Variants in C15orf40 observed in about 807,000 individuals in gnomAD.
C15orf40 encodes the protein chromosome 15 open reading frame 40.
A neutral mutation model predicts 13.9 loss-of-function variants in C15orf40; 9 were observed. The observed-to-expected ratio is 0.65, with a 90% confidence interval of 0.39 to 1.13. C15orf40 has a LOEUF of 1.13. Ranked by LOEUF, C15orf40 falls within the 50% of genes most tolerant of loss-of-function variation. C15orf40 has a pLI of 0.01. For synonymous variants in C15orf40, 95 were observed against 69.2 expected, an observed-to-expected ratio of 1.37 and a Z score of -1.85; for missense variants, 225 against 188.5, an observed-to-expected ratio of 1.19 and a Z score of -1.13.
At chr15:83,008,232 G>T in intron 3 of C15orf40, 1 of 231,622 alleles carries the variant, frequency 4.3e-6, no homozygotes, top group Non-Finnish European at 8.6e-6. Flanking sequence ...TAAAAAGAGA[G>T]AGACCTCCGG....
chr15:83,010,530 T>C, intron 1 of C15orf40, 167 bp from the exon 2 acceptor site: 1 of 699,070 alleles, frequency 1.4e-6, no homozygotes, highest in Non-Finnish European at 2.3e-6. Flanking sequence ...TTCAAGGCTC[T>C]ACTCAATTTT....
rs748311916 is a variant in C15orf40 at position 83,010,362 on chromosome 15, C to T, written c.113G>A (p.Gly38Asp). Residue 38 changes from glycine (G) to aspartate (D), a missense_variant and splice_region_variant, in exon 2 of 4, where the codon GGT becomes GAT. Coordinates refer to ENST00000304177, the MANE Select transcript of C15orf40 (RefSeq NM_144597.3). ...CTCTGGTTCCTTGCTCTGGCTTTTA[C>T]CCTAAAATGACAACCACACAACTTT... Reference protein sequence around the residue: ...MPKKAGATTKGKSQSKEPERP... With the variant: ...MPKKAGATTKDKSQSKEPERP... 6.2e-7 allele frequency: 1 copy of T among 1,614,016 alleles called. No homozygotes were observed. Among genetic ancestry groups the T allele is most frequent in the Non-Finnish European group, 8.5e-7 (1 of 1,180,016 alleles).
intron 3 of C15orf40, 85 bp from the exon 4 acceptor site, chr15:83,005,777 C>G: frequency 2.0e-6 from 3 of 1,479,586 alleles, no homozygotes; most frequent in South Asian, 2.7e-5. Context: ...GTATAATGGG[C>G]TCTCCTGATG....
downstream of C15orf40, chr15:82,989,295 C>T (rs1190645140): frequency 2.8e-6 from 3 of 1,069,868 alleles, no homozygotes; most frequent in African/African-American, 4.8e-5. Context: ...TTTGGTATGG[C>T]ATACCTAGTA....
rs112485816 is a variant in C15orf40 at position 83,002,867 on chromosome 15, G to C, written c.*2730C>G. 6.6e-6 allele frequency: 1 copy of C among 152,200 alleles called. No homozygotes were observed. The highest frequency in any genetic ancestry group is 1.5e-5 in the Non-Finnish European group (1 of 68,058). 9.4% of individuals were successfully genotyped at this position (152,200 alleles called of 1,614,324 possible). ...GCTGGAGCGCAGTTCGCAGTTGTGC[G>C]ATCTTGGCTCACTGCAACCTCTGCC... On this transcript the variant is annotated 3_prime_UTR_variant, in exon 4 of 4. Transcript: ENST00000304177.
rs1410987359 is a variant in C15orf40 at position 82,995,404 on chromosome 15, G to A, written c.*10193C>T. 1 of 152,270 alleles carries A rather than the reference G, an allele frequency of 6.6e-6. No homozygotes were observed. The highest frequency in any genetic ancestry group is 2.4e-5 in the African/African-American group (1 of 41,462). 9.4% of individuals were successfully genotyped at this position (152,270 alleles called of 1,614,324 possible). ...TCAGTGCTGTCAGATTAGAAAAGTG[G>A]AGATGAGCTGTGGATAATACCCCTC... is the stretch of plus-strand genomic sequence containing the variant. On this transcript the variant is annotated 3_prime_UTR_variant, in exon 4 of 4. Coordinates refer to ENST00000304177, the MANE Select transcript of C15orf40 (RefSeq NM_144597.3).
Position 83,004,735 on chromosome 15 carries a change from AAATT to A in C15orf40, c.*858_*861del. 9.0e-6 allele frequency: 9 copies of A among 1,005,312 alleles called. No individual in the cohort carries two copies. Among genetic ancestry groups the A allele is most frequent in the Non-Finnish European group, 1.1e-5 (9 of 832,842 alleles). The allele number at this position is 1,005,312 out of a possible 1,614,324, so 62.3% of individuals were successfully genotyped here. A position where few individuals can be genotyped will look rare whatever the true frequency, so the allele number is the denominator to read the frequency against. On this transcript the variant is annotated 3_prime_UTR_variant, in exon 4 of 4. Transcript: ENST00000304177. ...ATAGTCTTTAAAAGATGTAAAAAAA[AAATT>A]TTTTTTACATTTAAATAAGCATTTA... is the stretch of plus-strand genomic sequence containing the variant.
At position 82,997,647 on chromosome 15, in the gene C15orf40, CCA is replaced by C. The variant is rs2031164975; in HGVS notation, c.*7948_*7949del. ...ACCATCCGATCTCTCAATCTTTTCC[CCA>C]CCTTTCCCGCCTTTCTATTCCACAA... is the stretch of plus-strand genomic sequence containing the variant. On this transcript the variant is annotated 3_prime_UTR_variant, in exon 4 of 4. Transcript: ENST00000304177. 3.8e-6 allele frequency: 1 copy of C among 262,574 alleles called. No individual in the cohort carries two copies. The highest frequency in any genetic ancestry group is 5.4e-5 in the Admixed American group (1 of 18,494). 16.3% of individuals were successfully genotyped at this position (262,574 alleles called of 1,614,324 possible). A position where few individuals can be genotyped will look rare whatever the true frequency, so the allele number is the denominator to read the frequency against.
At chr15:83,008,007 C>T (rs2031785313) in intron 3 of C15orf40, 1 of 155,342 alleles carries the variant, frequency 6.4e-6, no homozygotes, top group African/African-American at 2.4e-5. Flanking sequence ...GCCTGTCCAA[C>T]ATGGTGAAAC....
intron 2 of C15orf40, 80 bp from the exon 3 acceptor site, chr15:83,008,755 T>C: frequency 6.9e-7 from 1 of 1,457,388 alleles, no homozygotes; most frequent in Middle Eastern, 1.8e-4. Flanking sequence ...AAAAGAGTTT[T>C]TGCATTTGCC....
rs948011240 is a variant in C15orf40, at chr15:82,995,539, C to T, written c.*10058G>A. On this transcript the variant is annotated 3_prime_UTR_variant, in exon 4 of 4. Transcript: ENST00000304177. ...GTGGCTCACGCCTGTAATCCCATCA[C>T]TTTGGGAGGCCAAGGTGGAAGGATC... 6.6e-6 allele frequency: 1 copy of T among 152,346 alleles called. No homozygotes were observed. The highest frequency in any genetic ancestry group is 2.4e-5 in the African/African-American group (1 of 41,444). 9.4% of individuals were successfully genotyped at this position (152,346 alleles called of 1,614,324 possible).
At chr15:82,989,066 T>C (rs759998852), downstream of C15orf40, 1 of 1,613,698 alleles carries the variant, frequency 6.2e-7, no homozygotes, top group Non-Finnish European at 8.5e-7. Context: ...AGATGTTTGC[T>C]AGTAGATTCA....
chr15:82,991,361 A>T (rs1038058544), downstream of C15orf40, among the ~76,000 whole-genome samples: 3 of 152,160 alleles, frequency 2.0e-5, no homozygotes, highest in African/African-American at 7.2e-5. Flanking sequence ...CCTGACCAAC[A>T]TGATGAGACC....
At chr15:83,006,288 G>T in intron 3 of C15orf40, 7 of 742,468 alleles carry the variant, frequency 9.4e-6, no homozygotes, top group African/African-American at 1.9e-5. Context: ...AGTTAAAAAT[G>T]AAAATCATCT....
chr15:83,008,008 A>G (rs2031785459), intron 3 of C15orf40: 1 of 155,474 alleles, frequency 6.4e-6, no homozygotes, highest in African/African-American at 2.4e-5. Context: ...CCTGTCCAAC[A>G]TGGTGAAACC....
At chr15:82,993,277 T>C (rs1250631244), downstream of C15orf40, among the ~76,000 whole-genome samples, 2 of 152,196 alleles carry the variant, frequency 1.3e-5, no homozygotes, top group African/African-American at 4.8e-5. Flanking sequence ...AGGTGCTGCA[T>C]AAACATTTGT....
chr15:82,992,901 A>C (rs554947827), downstream of C15orf40, among the ~76,000 whole-genome samples: 9 of 152,318 alleles, frequency 5.9e-5, no homozygotes, highest in East Asian at 1.2e-3. Context: ...CCTGCCCCTG[A>C]TCTGCTTAAA....
chr15:82,994,301 CATAAA>C (rs1192423756), downstream of C15orf40, among the ~76,000 whole-genome samples: 1 of 152,108 alleles, frequency 6.6e-6, no homozygotes, highest in African/African-American at 2.4e-5. Context: ...TTTGAACTCT[CATAAA>C]AGAACTCTAC....
rs1260652872 is a variant in C15orf40 at position 83,010,332 on chromosome 15, G to A, written c.143C>T (p.Pro48Leu). Reference protein sequence around the residue: ...GKSQSKEPERPLPPLGPVAVD... With the variant: ...GKSQSKEPERLLPPLGPVAVD... ...TGCCACAGGACCTAAGGGAGGAAGTGGTCTCTCTGGTTCCTTGCTCTGGCT... is the reference window on the plus strand; with the variant it reads ...TGCCACAGGACCTAAGGGAGGAAGTAGTCTCTCTGGTTCCTTGCTCTGGCT... The change falls in exon 2 of 4, where the codon CCA becomes CTA. Residue 48 changes from proline to leucine, a missense_variant. Physicochemically the swap from Pro to Leu is moderately conservative, Grantham distance 98. Transcript: ENST00000304177. 6.2e-7 allele frequency: 1 copy of A among 1,614,154 alleles called. No individual in the cohort carries two copies. The highest frequency in any genetic ancestry group is 8.5e-7 in the Non-Finnish European group (1 of 1,180,030).
Sources: gnomAD v4.1 joint callset for allele counts (sites outside exome capture counted in the v4.1 genomes callset) on GRCh38, gnomAD v4.1.1 for gene constraint, MANE v1.5 for transcripts, NCBI Gene and HGNC (gene_info 2026-07-23, HGNC 2026-07-21) for gene names.